DGKB: variants seen among roughly 807,000 people sequenced by gnomAD.
The protein encoded by DGKB is diacylglycerol kinase beta, also known as 90 kDa diacylglycerol kinase.
Under a neutral mutation model 114.3 loss-of-function variants are expected in DGKB, and 67 were observed. The observed-to-expected ratio is 0.59, with a 90% CI of 0.48 to 0.72. DGKB has a LOEUF of 0.72. Among genes scored for constraint, DGKB ranks in the 30% least tolerant of loss-of-function variants. DGKB has a pLI of 0.00. For synonymous variants in DGKB, 398 were observed against 323.1 expected, an observed-to-expected ratio of 1.23 and a Z score of -2.49; for missense variants, 907 against 975.2, an observed-to-expected ratio of 0.93 and a Z score of 0.93.
chr7:14,456,986 G>C (rs1272014230), intron 21 of DGKB, among the ~76,000 whole-genome samples: 1 of 148,890 alleles, frequency 6.7e-6, no homozygotes, highest in Non-Finnish European at 1.5e-5. Context: ...ACTTCCCACA[G>C]GTTTTTCAAC....
At chr7:14,558,384 T>G (rs1294066978) in intron 20 of DGKB, among the ~76,000 whole-genome samples, 3 of 152,116 alleles carry the variant, frequency 2.0e-5, no homozygotes, top group Non-Finnish European at 2.9e-5. Context: ...ATTTCCTGTA[T>G]AGTTTGCCAT....
intron 23 of DGKB, among the ~76,000 whole-genome samples, chr7:14,182,931 A>G (rs1218676985): frequency 6.6e-6 from 1 of 152,210 alleles, no homozygotes; most frequent in African/African-American, 2.4e-5. Context: ...GCTGGAGCAG[A>G]GTAGTATAAA....
rs35486620 is a variant in DGKB, at chr7:14,696,501, CAAAAAAAAAAAAAAAAAA to C, written c.591+1576_591+1593del. Among the ~76,000 whole-genome samples, 13 of 45,076 alleles carry C rather than the reference CAAAAAAAAAAAAAAAAAA, an allele frequency of 2.9e-4. No homozygotes were observed. In the Admixed American group the frequency reaches 3.9e-3, roughly 14 times the overall value. 29.6% of individuals were successfully genotyped at this position (45,076 alleles called of 152,430 possible). A position where few individuals can be genotyped will look rare whatever the true frequency, so the allele number is the denominator to read the frequency against. On this transcript the variant is annotated intron_variant, in intron 8 of 25. Transcript: ENST00000402815. ...TGGGCGACAGAGCGAGACTCCGTCT[CAAAAAAAAAAAAAAAAAA>C]AAAAAAAAAAAAAAGAAACCTGAAT... is the stretch of plus-strand genomic sequence containing the variant.
chr7:14,380,104 T>C lies in DGKB; in HGVS notation c.1836-34713A>G, dbSNP rs141680175. Among the ~76,000 whole-genome samples, 83 of 152,290 alleles carry C rather than the reference T, an allele frequency of 5.5e-4. 1 individual carries two copies. Among genetic ancestry groups the C allele is most frequent in the African/African-American group, 1.9e-3 (77 of 41,568 alleles). On this transcript the variant is annotated intron_variant, in intron 21 of 25. Coordinates refer to ENST00000402815, the MANE Select transcript of DGKB (RefSeq NM_001350709.2). ...CCCCATTGAAGTGATCCAATACATG[T>C]TGCGTACTTCGCTATATCCAAAACT...
rs952129381 is a variant in DGKB, at chr7:14,382,639, T to C, written c.1836-37248A>G. ...GGTCAGAATAGCAACTCACAGGAAA[T>C]TGAACATTTGGAGAACCCAATAGGT... On this transcript the variant is annotated intron_variant, in intron 21 of 25. Transcript: ENST00000402815. Among the ~76,000 whole-genome samples the C allele has an allele frequency of 2.6e-5, 4 of 152,144 alleles. No individual in the cohort carries two copies. In the East Asian group the frequency reaches 7.7e-4, roughly 29 times the overall value.
chr7:14,251,329 T>C (rs1017832815), intron 23 of DGKB, among the ~76,000 whole-genome samples: 1 of 148,278 alleles, frequency 6.7e-6, no homozygotes, highest in Non-Finnish European at 1.5e-5. Context: ...ATTTAAAATA[T>C]CTTATAATTA....
At chr7:14,317,440 C>G (rs1197851462) in intron 23 of DGKB, among the ~76,000 whole-genome samples, 1 of 149,446 alleles carries the variant, frequency 6.7e-6, no homozygotes, top group Non-Finnish European at 1.5e-5. Flanking sequence ...AGCAAAGTCT[C>G]AGGATACAAA....
chr7:14,164,054 A>T (rs1784301169), intron 25 of DGKB, among the ~76,000 whole-genome samples: 1 of 152,102 alleles, frequency 6.6e-6, no homozygotes, highest in Non-Finnish European at 1.5e-5. Flanking sequence ...CCACAACAAC[A>T]ACAAAAAATA....
At chr7:14,383,577 C>T (rs1457321495) in intron 21 of DGKB, among the ~76,000 whole-genome samples, 1 of 152,148 alleles carries the variant, frequency 6.6e-6, no homozygotes, top group Non-Finnish European at 1.5e-5. Flanking sequence ...TGGTTTCTAA[C>T]CTCATGATCC....
At chr7:14,509,147 C>T (rs1185406842) in intron 20 of DGKB, among the ~76,000 whole-genome samples, 1 of 152,090 alleles carries the variant, frequency 6.6e-6, no homozygotes, top group Non-Finnish European at 1.5e-5. Flanking sequence ...CTATTGCCTA[C>T]AGGTATAGCT....
intron 4 of DGKB, among the ~76,000 whole-genome samples, chr7:14,739,062 C>G (rs1252736429): frequency 6.6e-6 from 1 of 152,186 alleles, no homozygotes; most frequent in Non-Finnish European, 1.5e-5. Context: ...CAGAGCCTTT[C>G]AGAACCCATG....
At chr7:14,311,120 C>G (rs1469708392) in intron 23 of DGKB, among the ~76,000 whole-genome samples, 1 of 152,056 alleles carries the variant, frequency 6.6e-6, no homozygotes, top group Non-Finnish European at 1.5e-5. Context: ...AGAGCAAGAC[C>G]CTATCTCCAA....
intron 21 of DGKB, among the ~76,000 whole-genome samples, chr7:14,353,916 C>T (rs1813968048): frequency 6.6e-6 from 1 of 152,132 alleles, no homozygotes; most frequent in Non-Finnish European, 1.5e-5. Flanking sequence ...GAGTCATTTT[C>T]ACACTTACAT....
chr7:14,686,509 C>A (rs1254064625), intron 9 of DGKB, among the ~76,000 whole-genome samples: 1 of 152,138 alleles, frequency 6.6e-6, no homozygotes, highest in African/African-American at 2.4e-5. Context: ...GGAACACATT[C>A]ACCTAATAAT....
At chr7:14,298,854 C>T (rs1352105551) in intron 23 of DGKB, among the ~76,000 whole-genome samples, 2 of 152,182 alleles carry the variant, frequency 1.3e-5, no homozygotes, top group Non-Finnish European at 1.5e-5. Context: ...AAGAAAGAAA[C>T]AGACAACTCC....
At chr7:14,417,535 G>C (rs564946385) in intron 21 of DGKB, among the ~76,000 whole-genome samples, 1 of 151,810 alleles carries the variant, frequency 6.6e-6, no homozygotes, top group Non-Finnish European at 1.5e-5. Flanking sequence ...AATTATTCTT[G>C]AACCTCAACA....
chr7:14,621,393 A>G lies in DGKB; in HGVS notation c.1269T>C (p.Asp423=). 6.2e-7 allele frequency: 1 copy of G among 1,608,286 alleles called. No individual in the cohort carries two copies. Among genetic ancestry groups the G allele is most frequent in the Non-Finnish European group, 8.5e-7 (1 of 1,175,988 alleles). The part of the protein sequence containing the change: ...KMQRANSVTV[D]GQGLQVTPVP... ...AAAATCATACCTGCAGGCCTTGTCC[A>G]TCTACAGTAACAGAGTTGGCTCTTT... Residue 423 remains aspartate (D), a synonymous_variant, in exon 15 of 26, where the codon GAT becomes GAC. Transcript: ENST00000402815.
chr7:14,161,434 C>G (rs1783871102), intron 25 of DGKB, among the ~76,000 whole-genome samples: 1 of 152,120 alleles, frequency 6.6e-6, no homozygotes, highest in African/African-American at 2.4e-5. Flanking sequence ...CAATGATAGA[C>G]TGGATAAAGA....
Position 14,694,726 on chromosome 7 carries a change from T to C in DGKB, c.592-532A>G, listed in dbSNP as rs1422610305. Among the ~76,000 whole-genome samples, 5 of 121,724 alleles carry C rather than the reference T, an allele frequency of 4.1e-5. No homozygotes were observed. In the South Asian group the frequency reaches 1.0e-3, roughly 25 times the overall value. 79.9% of individuals were successfully genotyped at this position (121,724 alleles called of 152,430 possible). A position where few individuals can be genotyped will look rare whatever the true frequency, so the allele number is the denominator to read the frequency against. On this transcript the variant is annotated intron_variant, in intron 8 of 25. Coordinates refer to ENST00000402815, the MANE Select transcript of DGKB (RefSeq NM_001350709.2). ...GCACGTAATGTCTTAAAATGTTCTC[T>C]GCAGTGTTTGTTTGCAATACATTTA... is the stretch of plus-strand genomic sequence containing the variant.
Sources: gnomAD v4.1 joint callset for allele counts (sites outside exome capture counted in the v4.1 genomes callset) on GRCh38, gnomAD v4.1.1 for gene constraint, MANE v1.5 for transcripts, NCBI Gene and HGNC (gene_info 2026-07-23, HGNC 2026-07-21) for gene names.